The following EXOC7 variants were observed in gnomAD, a reference collection of about 807,000 sequenced individuals.
EXOC7 encodes the protein exocyst complex component 7.
Under a neutral mutation model 87.6 loss-of-function variants are expected in EXOC7, and 51 were observed. That is an observed-to-expected ratio of 0.58 (90% CI 0.46 to 0.73). The LOEUF (loss-of-function observed/expected upper bound fraction) is 0.73, where lower values mean the gene tolerates loss of function less well. Ranked by LOEUF, EXOC7 falls within the 30% of genes least tolerant of loss-of-function variation. EXOC7 has a pLI of 0.00. For synonymous variants in EXOC7, 327 were observed against 357.1 expected, an observed-to-expected ratio of 0.92 and a Z score of 0.95; for missense variants, 744 against 888.4, an observed-to-expected ratio of 0.84 and a Z score of 2.07.
Position 76,088,448 on chromosome 17 carries a change from G to A in EXOC7, c.1299+16C>T. 1 of 1,610,940 alleles carries A rather than the reference G, an allele frequency of 6.2e-7. No individual in the cohort carries two copies. Among genetic ancestry groups the A allele is most frequent in the Non-Finnish European group, 8.5e-7 (1 of 1,177,876 alleles). ...CTGGGCCGGGAGGGAGGGAGAAAGGGGAGGACAGCAGGGACCTTGATGTTG... is the reference window on the plus strand; with the variant it reads ...CTGGGCCGGGAGGGAGGGAGAAAGGAGAGGACAGCAGGGACCTTGATGTTG... On this transcript the variant is annotated intron_variant, in intron 10 of 18. Coordinates refer to ENST00000589210, the MANE Select transcript of EXOC7 (RefSeq NM_001013839.4).
chr17:76,099,981 G>C (rs1157786903), intron 4 of EXOC7, among the ~76,000 whole-genome samples: 2 of 152,084 alleles, frequency 1.3e-5, no homozygotes, highest in Admixed American at 1.3e-4. Context: ...ACATGCCTGT[G>C]GGCCCAGCTA....
chr17:76,085,009 G>A (rs111612852), intron 15 of EXOC7: 57 of 476,750 alleles, frequency 1.2e-4, no homozygotes, highest in African/African-American at 9.7e-4. Context: ...GTGCTCTCGC[G>A]ACCTTGCTCT....
chr17:76,101,174 T>C (rs1567990821), intron 4 of EXOC7, 97 bp downstream of exon 4: 2 of 1,606,360 alleles, frequency 1.2e-6, no homozygotes, highest in Non-Finnish European at 1.7e-6. Flanking sequence ...CTGTGTATTC[T>C]ACTGCATACA....
rs777301291 is a variant in EXOC7, at chr17:76,088,488, C to T, written c.1275G>A (p.Leu425=). The change falls in exon 10 of 19, where the codon CTG becomes CTA. Residue 425 remains leucine (L), a synonymous_variant. Coordinates refer to ENST00000589210, the MANE Select transcript of EXOC7 (RefSeq NM_001013839.4). ...TSMETIGAKA[L]EDFADNIKND... is the part of the protein sequence containing the mutation. ...CCTTGATGTTGTCTGCGAAGTCCTC[C>T]AGCGCTTTGGCACCGATGGTCTCCA... The T allele has an allele frequency of 3.1e-6, 5 of 1,614,034 alleles. No homozygotes were observed. Among genetic ancestry groups the T allele is most frequent in the Non-Finnish European group, 4.2e-6 (5 of 1,179,992 alleles).
chr17:76,102,427 C>CAG (rs2068112881), intron 2 of EXOC7, among the ~76,000 whole-genome samples: 1 of 124,424 alleles, frequency 8.0e-6, no homozygotes, highest in Non-Finnish European at 1.5e-5. Context: ...GACACACACA[C>CAG]ACACACACAC....
chr17:76,091,428 C>A (rs781598044), intron 6 of EXOC7, 193 bp from the exon 7 acceptor site: 24 of 584,034 alleles, frequency 4.1e-5, no homozygotes, highest in Non-Finnish European at 6.7e-5. Context: ...CCAAATGGAG[C>A]CTTGATTCTA....
rs767300626 is a variant in EXOC7 at position 76,082,449 on chromosome 17, A to ATCTC, written c.*1195_*1198dup. On this transcript the variant is annotated 3_prime_UTR_variant, in exon 19 of 19. Coordinates refer to ENST00000589210, the MANE Select transcript of EXOC7 (RefSeq NM_001013839.4). Reference sequence around the variant, plus strand: ...CTTGAAGAACAGCTCCTTTCCCTGTATCTCTCCCCACAGAGCCCTCCAGAG... The same window carrying ATCTC: ...CTTGAAGAACAGCTCCTTTCCCTGTATCTCTCTCTCCCCACAGAGCCCTCCAGAG... 1 of 1,589,794 alleles carries ATCTC rather than the reference A, an allele frequency of 6.3e-7. No homozygotes were observed. The highest frequency in any genetic ancestry group is 8.6e-7 in the Non-Finnish European group (1 of 1,167,208).
rs753376782 is a variant in EXOC7, at chr17:76,094,545, T to C, written c.677A>G (p.Gln226Arg). The C allele has an allele frequency of 1.2e-6, 2 of 1,613,994 alleles. No individual in the cohort carries two copies. Among genetic ancestry groups the C allele is most frequent in the Non-Finnish European group, 1.7e-6 (2 of 1,180,004 alleles). Residue 226 changes from glutamine to arginine, a missense_variant, in exon 6 of 19, where the codon CAG becomes CGG. By Grantham distance (43) the Gln-to-Arg change is conservative. This residue lies in a region of EXOC7 where 512 missense variants were observed against 573.0 expected (regional missense o/e 0.89). Coordinates refer to ENST00000589210, the MANE Select transcript of EXOC7 (RefSeq NM_001013839.4). ...CAGTCCTTTGATGGAGCGGTCCAGC[T>C]GGCTGGAGCGTATCTGGTAGTAGAC... ...MNVYYQIRSS[Q>R]LDRSIKGLKE...
chr17:76,094,565 G>A lies in EXOC7; in HGVS notation c.657C>T (p.Tyr219=). The change falls in exon 6 of 19, where the codon TAC becomes TAT. Residue 219 remains tyrosine, a synonymous_variant. Transcript: ENST00000589210. ...CCAGCTGGCTGGAGCGTATCTGGTA[G>A]TAGACGTTCATGAAATCTGAGGAGA... The part of the protein sequence containing the change: ...YGRNQDFMNV[Y]YQIRSSQLDR... 6.2e-7 allele frequency: 1 copy of A among 1,613,160 alleles called. No homozygotes were observed. The highest frequency in any genetic ancestry group is 8.5e-7 in the Non-Finnish European group (1 of 1,179,702).
Position 76,082,826 on chromosome 17 carries a change from C to A in EXOC7, c.*822G>T. 1 of 581,094 alleles carries A rather than the reference C, an allele frequency of 1.7e-6. No homozygotes were observed. Among genetic ancestry groups the A allele is most frequent in the Non-Finnish European group, 2.7e-6 (1 of 369,528 alleles). 36.0% of individuals were successfully genotyped at this position (581,094 alleles called of 1,614,324 possible). A position where few individuals can be genotyped will look rare whatever the true frequency, so the allele number is the denominator to read the frequency against. On this transcript the variant is annotated 3_prime_UTR_variant, in exon 19 of 19. Transcript: ENST00000589210. ...GTGCAAGTGTGCCTCAAGGGTCAGT[C>A]TTCAATCTCGTCCTAAATAGGTGGG...
Position 76,094,489 on chromosome 17 carries a change from A to G in EXOC7, c.733T>C (p.Ser245Pro). The G allele has an allele frequency of 6.2e-7, 1 of 1,614,130 alleles. No homozygotes were observed. The highest frequency in any genetic ancestry group is 8.5e-7 in the Non-Finnish European group (1 of 1,180,032). The change falls in exon 6 of 19, where the codon TCT becomes CCT. Residue 245 changes from serine to proline, a missense_variant. Physicochemically the swap from Ser to Pro is moderately conservative, Grantham distance 74 (BLOSUM62 -1). Transcript: ENST00000589210. ...KEHFHKSSSS[S>P]GVPYSPAIPN... ...ATAGCAGGGGAGTAGGGAACCCCAGAGGAAGAACTGCTCTTATGGAAATGC... is the reference window on the plus strand; with the variant it reads ...ATAGCAGGGGAGTAGGGAACCCCAGGGGAAGAACTGCTCTTATGGAAATGC...
In EXOC7 at chr17:76,084,496, CAGCCCAGGTCTTG is replaced by C; in HGVS notation, c.1776+8_1776+20del. ...ATCCCGTCTGCCAGACACCCCTTCC[CAGCCCAGGTCTTG>C]AGCCCACCTTGACTCCCGGCTGGAA... On this transcript the variant is annotated splice_region_variant and intron_variant, in intron 16 of 18. Transcript: ENST00000589210. The C allele has an allele frequency of 6.2e-7, 1 of 1,613,070 alleles. No individual in the cohort carries two copies. The highest frequency in any genetic ancestry group is 8.5e-7 in the Non-Finnish European group (1 of 1,179,398).
intron 12 of EXOC7, among the ~76,000 whole-genome samples, chr17:76,086,596 G>A (rs1310537421): frequency 2.0e-5 from 3 of 152,196 alleles, no homozygotes; most frequent in Non-Finnish European, 2.9e-5. Flanking sequence ...CAGTGGGGAA[G>A]GCCGAGTGGG....
At position 76,081,686 on chromosome 17, in the gene EXOC7, A is replaced by C. The variant is rs1233866181; in HGVS notation, c.*1962T>G. 1 of 1,614,068 alleles carries C rather than the reference A, an allele frequency of 6.2e-7. No homozygotes were observed. The highest frequency in any genetic ancestry group is 1.7e-5 in the Admixed American group (1 of 60,022). On this transcript the variant is annotated 3_prime_UTR_variant, in exon 19 of 19. Transcript: ENST00000589210. ...AGGCTACAAGGTGACATTGCTGCTG[A>C]GTTACCTCGTCCTCCACTCCTCCCT... is the stretch of plus-strand genomic sequence containing the variant.
chr17:76,085,681 C>T lies in EXOC7; in HGVS notation c.1612G>A (p.Glu538Lys). Reference sequence around the variant, plus strand: ...TCACTCCCGCAGGCCACTTACTTCTCCAGGGACTTGAGGATGTAATTGTAG... The same window carrying T: ...TCACTCCCGCAGGCCACTTACTTCTTCAGGGACTTGAGGATGTAATTGTAG... ...NNYNYILKSL[E>K]KSELIQLVAV... is the part of the protein sequence containing the mutation. Residue 538 changes from glutamate to lysine, a missense_variant, in exon 14 of 19, where the codon GAG becomes AAG. Glu to Lys is a moderately conservative substitution (Grantham distance 56). Around this residue, in one of 3 missense-constraint regions of EXOC7, gnomAD observed 228 missense variants for 298.6 expected, o/e 0.76. Transcript: ENST00000589210. The T allele has an allele frequency of 6.2e-7, 1 of 1,614,110 alleles. No individual in the cohort carries two copies. The highest frequency in any genetic ancestry group is 8.5e-7 in the Non-Finnish European group (1 of 1,180,034).
At chr17:76,094,859 C>A (rs1430018305) in intron 5 of EXOC7, among the ~76,000 whole-genome samples, 1 of 152,034 alleles carries the variant, frequency 6.6e-6, no homozygotes, top group Non-Finnish European at 1.5e-5. Flanking sequence ...AATCTGACCA[C>A]TTCAGCCTCC....
Position 76,098,027 on chromosome 17 carries a change from A to G in EXOC7, c.418-9T>C. The G allele has an allele frequency of 2.5e-6, 4 of 1,613,174 alleles. No homozygotes were observed. The highest frequency in any genetic ancestry group is 3.4e-6 in the Non-Finnish European group (4 of 1,179,144). On this transcript the variant is annotated splice_polypyrimidine_tract_variant and intron_variant, in intron 4 of 18. Transcript: ENST00000589210. ...CGCTCAAAGAGCAGTTTCTGCACAGACAACAGAAGGAAGCAGGTGCCTGCT... is the reference window on the plus strand; with the variant it reads ...CGCTCAAAGAGCAGTTTCTGCACAGGCAACAGAAGGAAGCAGGTGCCTGCT...
At chr17:76,088,985 T>TG (rs1203938310) in intron 8 of EXOC7, 62 bp from the exon 9 acceptor site, 193 of 1,548,984 alleles carry the variant, frequency 1.2e-4, no homozygotes, top group Non-Finnish European at 1.5e-4. Context: ...TCTGGGCTAG[T>TG]GGGGGATCCT....
At chr17:76,088,360 C>G in intron 10 of EXOC7, 104 bp downstream of exon 10, 1 of 1,200,352 alleles carries the variant, frequency 8.3e-7, no homozygotes. Context: ...CTGGCTGCCC[C>G]GGGACAACGC....
Sources: allele counts gnomAD v4.1 joint callset (sites outside exome capture counted in the v4.1 genomes callset), GRCh38; gene constraint gnomAD v4.1.1; regional missense constraint gnomAD v4.1.1; transcripts MANE v1.5; gene names NCBI Gene and HGNC (gene_info 2026-07-23, HGNC 2026-07-21).